The following RUNX1 variants were observed in gnomAD, a reference collection of about 807,000 sequenced individuals.
RUNX1 encodes runt-related transcription factor 1.
In RUNX1, 19 loss-of-function variants were observed where a neutral mutation model predicts 42.8. The ratio of observed to expected loss-of-function variants is 0.44; its 90% CI spans 0.31 to 0.65. The LOEUF is 0.65. Among genes scored for constraint, RUNX1 ranks in the 30% least tolerant of loss-of-function variants. RUNX1 has a pLI of 0.07. For synonymous variants in RUNX1, 271 were observed against 289.4 expected, an observed-to-expected ratio of 0.94 and a Z score of 0.64; for missense variants, 528 against 672.0, an observed-to-expected ratio of 0.79 and a Z score of 2.37.
At chr21:34,826,438 T>TC (rs1393035456) in intron 7 of RUNX1, among the ~76,000 whole-genome samples, 5 of 136,942 alleles carry the variant, frequency 3.7e-5, no homozygotes, top group South Asian at 2.5e-4. Flanking sequence ...TTCTTTCTTT[T>TC]TTTTTTTTTT....
chr21:34,869,272 C>T (rs978398620), intron 5 of RUNX1, among the ~76,000 whole-genome samples: 6 of 152,116 alleles, frequency 3.9e-5, no homozygotes, highest in African/African-American at 1.2e-4. Flanking sequence ...ACATACACAC[C>T]ATCTCGCTTT....
intron 4 of RUNX1, 34 bp downstream of exon 4, chr21:34,886,809 G>T (rs556236479): frequency 2.5e-5 from 41 of 1,611,564 alleles, no homozygotes; most frequent in East Asian, 1.3e-4. Flanking sequence ...GCCGGCCTCC[G>T]CCTGTCCTCC....
At chr21:34,948,082 G>T (rs1000336073) in intron 2 of RUNX1, among the ~76,000 whole-genome samples, 1 of 146,474 alleles carries the variant, frequency 6.8e-6, no homozygotes, top group Non-Finnish European at 1.5e-5. Flanking sequence ...AAATTCAAAA[G>T]AAATCTTTTT....
chr21:34,817,574 C>T (rs1434320512), intron 7 of RUNX1, among the ~76,000 whole-genome samples: 1 of 152,142 alleles, frequency 6.6e-6, no homozygotes, highest in Non-Finnish European at 1.5e-5. Flanking sequence ...TAAGAGCCTA[C>T]CTGATCACAA....
At chr21:35,027,052 G>T (rs940132301) in intron 2 of RUNX1, among the ~76,000 whole-genome samples, 1 of 152,204 alleles carries the variant, frequency 6.6e-6, no homozygotes. Context: ...AGGCAAGGAC[G>T]GGGTCTGTGT....
intron 2 of RUNX1, among the ~76,000 whole-genome samples, chr21:34,939,244 C>T (rs796414072): frequency 4.6e-5 from 7 of 152,320 alleles, no homozygotes; most frequent in African/African-American, 1.7e-4. Context: ...CTTTGCTAGG[C>T]TCAACAGATA....
chr21:34,980,404 T>C (rs747842451), intron 2 of RUNX1, among the ~76,000 whole-genome samples: 25 of 152,318 alleles, frequency 1.6e-4, no homozygotes, highest in Admixed American at 2.6e-4. Context: ...GTATTCTGCC[T>C]GTGAAGATAG....
In RUNX1 at chr21:34,892,656, T is replaced by C. The variant is rs116623932; in HGVS notation, c.97+269A>G. On this transcript the variant is annotated intron_variant, in intron 3 of 8. Transcript: ENST00000675419. ...TCTGTTTTGTTTTTAGAGAGTTGTA[T>C]AGAGGCATTTAATAGCATCAGAATG... Among the ~76,000 whole-genome samples the C allele has an allele frequency of 5.0e-3, 767 of 152,334 alleles. 8 individuals are homozygous for C. The highest frequency in any genetic ancestry group is 0.018 in the African/African-American group (741 of 41,562).
chr21:34,898,917 T>C (rs1470843848), intron 2 of RUNX1, among the ~76,000 whole-genome samples: 1 of 152,064 alleles, frequency 6.6e-6, no homozygotes, highest in East Asian at 1.9e-4. Context: ...GATAGAACTT[T>C]TTATTTTTAT....
chr21:34,856,690 T>A (rs2057499411), intron 6 of RUNX1, among the ~76,000 whole-genome samples: 1 of 152,220 alleles, frequency 6.6e-6, no homozygotes, highest in African/African-American at 2.4e-5. Context: ...CCCTCCTAGC[T>A]CTCATTGTCT....
chr21:34,860,578 C>T (rs1377715780), intron 5 of RUNX1, among the ~76,000 whole-genome samples: 1 of 152,018 alleles, frequency 6.6e-6, no homozygotes, highest in Non-Finnish European at 1.5e-5. Flanking sequence ...TTTCTCTTCT[C>T]TGTTTCTCAC....
At chr21:35,043,341 C>G (rs950066856) in intron 2 of RUNX1, among the ~76,000 whole-genome samples, 2 of 152,080 alleles carry the variant, frequency 1.3e-5, no homozygotes, top group African/African-American at 4.8e-5. Context: ...TGGGGAGGAG[C>G]AGGGGAGGCC....
intron 7 of RUNX1, among the ~76,000 whole-genome samples, chr21:34,810,335 G>A (rs1414244941): frequency 1.3e-5 from 2 of 152,212 alleles, no homozygotes; most frequent in African/African-American, 4.8e-5. Flanking sequence ...CAGGGATTCT[G>A]GTTTTAAGCA....
intron 8 of RUNX1, among the ~76,000 whole-genome samples, chr21:34,794,185 T>C (rs916648181): frequency 6.6e-6 from 1 of 152,116 alleles, no homozygotes; most frequent in Non-Finnish European, 1.5e-5. Flanking sequence ...ATACATAATA[T>C]ATATCCTAAC....
chr21:35,001,459 A>C (rs1378096793), intron 2 of RUNX1, among the ~76,000 whole-genome samples: 1 of 152,054 alleles, frequency 6.6e-6, no homozygotes, highest in Non-Finnish European at 1.5e-5. Context: ...TTAATTGCCC[A>C]AATAAAGACT....
At chr21:34,848,522 C>T (rs1036783464) in intron 6 of RUNX1, among the ~76,000 whole-genome samples, 4 of 152,216 alleles carry the variant, frequency 2.6e-5, no homozygotes, top group African/African-American at 9.6e-5. Flanking sequence ...GCAACCTCTG[C>T]CTCTCGAGTT....
At chr21:34,859,270 G>T (rs1402366246) in intron 6 of RUNX1, 6 of 609,340 alleles carry the variant, frequency 9.8e-6, no homozygotes, top group East Asian at 5.6e-5. Context: ...CCTCTAAAAG[G>T]ATGCTTCAAA....
At position 34,871,018 on chromosome 21, in the gene RUNX1, A is replaced by G. The variant is rs145559299; in HGVS notation, c.508+9539T>C. On this transcript the variant is annotated intron_variant, in intron 5 of 8. Coordinates refer to ENST00000675419, the MANE Select transcript of RUNX1 (RefSeq NM_001754.5). ...ACAGTCATTCATTCACAGACCATGT[A>G]TCAGGCATCATCTAATGTCACTCAT... is the stretch of plus-strand genomic sequence containing the variant. Among the ~76,000 whole-genome samples, 17 of 152,320 alleles carry G rather than the reference A, an allele frequency of 1.1e-4. 1 individual carries two copies. In the East Asian group the frequency reaches 3.3e-3, roughly 29 times the overall value.
chr21:34,924,945 C>A (rs1193327125), intron 2 of RUNX1, among the ~76,000 whole-genome samples: 2 of 151,132 alleles, frequency 1.3e-5, no homozygotes, highest in African/African-American at 4.9e-5. Context: ...GTTATAAGGG[C>A]ACTAATTCTA....
Sources: allele counts gnomAD v4.1 joint callset (sites outside exome capture counted in the v4.1 genomes callset), GRCh38; gene constraint gnomAD v4.1.1; transcripts MANE v1.5; gene names NCBI Gene and HGNC (gene_info 2026-07-23, HGNC 2026-07-21).